Variants in SYTL5 observed in about 807,000 individuals in gnomAD.
The protein encoded by SYTL5 is synaptotagmin-like protein 5.
A neutral mutation model predicts 55.9 loss-of-function variants in SYTL5; 34 were observed. That is an observed-to-expected ratio of 0.61 (90% CI 0.46 to 0.81). The LOEUF is 0.81. SYTL5 is among the 30% of genes least tolerant of loss of function. SYTL5 has a pLI of 0.00. For synonymous variants in SYTL5, 221 were observed against 188.7 expected, an observed-to-expected ratio of 1.17 and a Z score of -1.40; for missense variants, 637 against 546.7, an observed-to-expected ratio of 1.17 and a Z score of -1.65.
the SYTL5 span, among the ~76,000 whole-genome samples, chrX:38,000,782 AGC>A: frequency 1.8e-5 from 2 of 111,862 alleles, no homozygotes; most frequent in Admixed American, 1.9e-4. Context: ...CAGATAGCGA[AGC>A]CAGAAGGGAG....
At chrX:38,090,851 C>T (rs1936784196) in intron 7 of SYTL5, among the ~76,000 whole-genome samples, 1 of 112,207 alleles carries the variant, frequency 8.9e-6, no homozygotes, top group South Asian at 3.7e-4. Context: ...ATTTTTAATG[C>T]CTCTAGAAGA....
intron 13 of SYTL5, among the ~76,000 whole-genome samples, 191 bp downstream of exon 13, chrX:38,110,673 T>A (rs1937337765): frequency 8.9e-6 from 1 of 112,435 alleles, no homozygotes; most frequent in African/African-American, 3.2e-5. Context: ...TTTGTCAATA[T>A]AGATCATCTG....
At chrX:38,082,350 A>C (rs947854564) in intron 6 of SYTL5, among the ~76,000 whole-genome samples, 1 of 112,247 alleles carries the variant, frequency 8.9e-6, no homozygotes, top group African/African-American at 3.2e-5. Flanking sequence ...GTGACATGTT[A>C]CCACTCTCAG....
chrX:37,978,186 G>A, the SYTL5 span, among the ~76,000 whole-genome samples: 1 of 111,216 alleles, frequency 9.0e-6, no homozygotes, highest in Non-Finnish European at 1.9e-5. Context: ...ACGAAAATGA[G>A]GTCCTGAACT....
chrX:38,116,932 A>G (rs1937504461), intron 13 of SYTL5, among the ~76,000 whole-genome samples: 1 of 112,531 alleles, frequency 8.9e-6, no homozygotes, highest in African/African-American at 3.2e-5. Flanking sequence ...GTGAATTAAT[A>G]GATCCTGCTA....
At chrX:37,961,402 T>G in the SYTL5 span, among the ~76,000 whole-genome samples, 4 of 111,015 alleles carry the variant, frequency 3.6e-5, no homozygotes, top group Admixed American at 9.6e-5. Flanking sequence ...CCTCTTTTTT[T>G]TTTTTTGTTA....
chrX:38,118,176 TA>T (rs1937522651), intron 13 of SYTL5, among the ~76,000 whole-genome samples: 1 of 111,776 alleles, frequency 8.9e-6, no homozygotes, highest in South Asian at 3.8e-4. Flanking sequence ...ATGGATAGTC[TA>T]TTTTACCATA....
At chrX:37,981,221 A>T in the SYTL5 span, among the ~76,000 whole-genome samples, 2 of 112,451 alleles carry the variant, frequency 1.8e-5, no homozygotes, top group African/African-American at 6.5e-5. Context: ...AGAGATATAG[A>T]CAAAACTGTA....
At chrX:37,897,339 C>T in the SYTL5 span, among the ~76,000 whole-genome samples, 14 of 109,882 alleles carry the variant, frequency 1.3e-4, no homozygotes, top group Non-Finnish European at 2.1e-4. Context: ...AAAAATTATC[C>T]GGGCGTGGTG....
chrX:38,017,395 T>C (rs1934391148), intron 1 of SYTL5, among the ~76,000 whole-genome samples: 2 of 111,839 alleles, frequency 1.8e-5, no homozygotes, highest in Non-Finnish European at 3.8e-5. Flanking sequence ...TTCTTGCAGC[T>C]GGAGGTGTTG....
the SYTL5 span, among the ~76,000 whole-genome samples, chrX:37,935,722 T>C: frequency 8.9e-6 from 1 of 111,937 alleles, no homozygotes; most frequent in Non-Finnish European, 1.9e-5. Context: ...CCAGGGCAAC[T>C]ACTAAGAAAA....
chrX:38,102,914 G>T, intron 10 of SYTL5: 1 of 513,166 alleles, frequency 1.9e-6, no homozygotes, highest in South Asian at 3.6e-5. Context: ...TTTTTTGAGA[G>T]GAAGGCCCTG....
At chrX:38,090,897 C>T (rs1018150499) in intron 7 of SYTL5, among the ~76,000 whole-genome samples, 9 of 111,892 alleles carry the variant, frequency 8.0e-5, no homozygotes, top group East Asian at 2.8e-4. Flanking sequence ...GGGAGCACAC[C>T]GGGTATGTTC....
the SYTL5 span, among the ~76,000 whole-genome samples, chrX:37,930,408 G>C: frequency 9.0e-6 from 1 of 111,530 alleles, no homozygotes; most frequent in South Asian, 3.8e-4. Context: ...TCTCTGAAGA[G>C]AGAAAAAGCC....
the SYTL5 span, among the ~76,000 whole-genome samples, chrX:37,914,952 G>T: frequency 2.7e-5 from 3 of 110,738 alleles, no homozygotes; most frequent in African/African-American, 9.9e-5. Context: ...TTTTTCTTAC[G>T]GCCCTTCAGG....
the SYTL5 span, among the ~76,000 whole-genome samples, chrX:37,960,802 A>T: frequency 8.1e-5 from 7 of 86,238 alleles, no homozygotes; most frequent in African/African-American, 3.3e-4. Flanking sequence ...TTATTTATTT[A>T]TTTATTTATT....
At chrX:37,980,512 G>T in the SYTL5 span, among the ~76,000 whole-genome samples, 21,496 of 111,742 alleles carry the variant, frequency 0.19, 3,385 homozygotes, top group African/African-American at 0.53. Flanking sequence ...GTATAGCAAG[G>T]GAATAAATGT....
chrX:37,912,571 C>T, the SYTL5 span, among the ~76,000 whole-genome samples: 1 of 111,998 alleles, frequency 8.9e-6, no homozygotes, highest in Non-Finnish European at 1.9e-5. Context: ...TACAGGGACA[C>T]TGATAAAGAT....
intron 7 of SYTL5, among the ~76,000 whole-genome samples, chrX:38,091,200 T>C (rs73467461): frequency 0.065 from 7,289 of 111,545 alleles, 195 homozygotes; most frequent in Middle Eastern, 0.088. Flanking sequence ...ATGTGAGAGA[T>C]TGGGTTTTGA....
Sources: allele counts gnomAD v4.1 joint callset (sites outside exome capture counted in the v4.1 genomes callset), GRCh38; gene constraint gnomAD v4.1.1; transcripts MANE v1.5; gene names NCBI Gene and HGNC (gene_info 2026-07-23, HGNC 2026-07-21).